The following ATP8A1 variants were observed in gnomAD, a reference collection of about 807,000 sequenced individuals.
ATP8A1 encodes the protein ATPase phospholipid transporting 8A1.
ATP8A1 carries 90 observed loss-of-function variants against 177.7 expected under a neutral mutation model. The ratio of observed to expected loss-of-function variants is 0.51; its 90% CI spans 0.43 to 0.60. The LOEUF (loss-of-function observed/expected upper bound fraction) is 0.60, where lower values mean the gene tolerates loss of function less well. Ranked by LOEUF, ATP8A1 falls within the 20% of genes least tolerant of loss-of-function variation. The pLI is 0.00. For missense variants in ATP8A1, 1,072 were observed against 1,392.8 expected, an observed-to-expected ratio of 0.77 and a Z score of 3.67; for synonymous variants, 493 against 485.9, an observed-to-expected ratio of 1.01 and a Z score of -0.19.
chr4:42,438,044 C>A (rs1445877512), intron 33 of ATP8A1, among the ~76,000 whole-genome samples: 7 of 142,144 alleles, frequency 4.9e-5, no homozygotes, highest in Non-Finnish European at 1.1e-4. Flanking sequence ...CGATGGGTGG[C>A]ACTGATGCTA....
At chr4:42,513,328 C>A (rs1464702274) in intron 22 of ATP8A1, among the ~76,000 whole-genome samples, 2 of 152,120 alleles carry the variant, frequency 1.3e-5, no homozygotes, top group African/African-American at 2.4e-5. Context: ...ATATGTTATA[C>A]CCTATCTTAA....
chr4:42,464,649 G>T, intron 27 of ATP8A1, 41 bp downstream of exon 27: 2 of 1,160,890 alleles, frequency 1.7e-6, no homozygotes, highest in Non-Finnish European at 2.5e-6. Context: ...CTTTAAATAT[G>T]TATGCAAATG....
At chr4:42,626,376 A>G (rs1163441312) in intron 2 of ATP8A1, 4 of 152,308 alleles carry the variant, frequency 2.6e-5, no homozygotes, top group South Asian at 2.1e-4. Context: ...GAAATTGTAC[A>G]TATTAAGTGG....
chr4:42,442,451 C>T (rs770300789), intron 33 of ATP8A1, among the ~76,000 whole-genome samples: 15 of 152,274 alleles, frequency 9.9e-5, no homozygotes, highest in East Asian at 5.8e-4. Context: ...GACCCACTCA[C>T]GGCATTCTCC....
At chr4:42,544,036 T>C (rs1449479667) in intron 19 of ATP8A1, 50 bp from the exon 20 acceptor site, 2 of 1,403,626 alleles carry the variant, frequency 1.4e-6, no homozygotes, top group Non-Finnish European at 1.0e-6. Context: ...AGGATATGCA[T>C]GTATGTGTTT....
chr4:42,481,603 A>G (rs755372127), intron 25 of ATP8A1, among the ~76,000 whole-genome samples: 5 of 152,180 alleles, frequency 3.3e-5, no homozygotes, highest in East Asian at 1.9e-4. Context: ...AGAATTACTT[A>G]TTTAGTACAG....
In ATP8A1 at chr4:42,600,470, G is replaced by T; in HGVS notation, c.450+8C>A. 3 of 1,609,094 alleles carry T rather than the reference G, an allele frequency of 1.9e-6. No individual in the cohort carries two copies. In the South Asian group the frequency reaches 3.3e-5, roughly 18 times the overall value. The stretch of plus-strand genomic sequence containing the variant: ...TTCTCCTGGAACAAAATAAAAATCA[G>T]TGCATACCTTTTCCCAGTGGACAAT... On this transcript the variant is annotated splice_region_variant and intron_variant, in intron 6 of 36. Transcript: ENST00000381668.
In ATP8A1 at chr4:42,586,352, T is replaced by A. The variant is rs766022679; in HGVS notation, c.719A>T (p.His240Leu). ...TATAAAGACGGATTTTACATACCCA[T>A]GTCCATCAAGCCTTATGTTTCCAAC... Reference protein sequence around the residue: ...DFVGNIRLDGHGTVPLGADQI... With the variant: ...DFVGNIRLDGLGTVPLGADQI... The change falls in exon 9 of 37, where the codon CAT becomes CTT. Residue 240 changes from histidine (H) to leucine (L), a missense_variant. Transcript: ENST00000381668. The A allele has an allele frequency of 6.2e-7, 1 of 1,613,898 alleles. No homozygotes were observed. The highest frequency in any genetic ancestry group is 1.1e-5 in the South Asian group (1 of 91,000).
At chr4:42,637,436 T>C (rs1262738574) in intron 1 of ATP8A1, among the ~76,000 whole-genome samples, 1 of 152,208 alleles carries the variant, frequency 6.6e-6, no homozygotes, top group Non-Finnish European at 1.5e-5. Flanking sequence ...GCTAGCTCAT[T>C]ACCTCCAAGT....
intron 1 of ATP8A1, among the ~76,000 whole-genome samples, chr4:42,646,343 C>T (rs1346071325): frequency 6.6e-6 from 1 of 152,164 alleles, no homozygotes; most frequent in Non-Finnish European, 1.5e-5. Context: ...GTGTGCATGC[C>T]TCATCTTTAG....
At chr4:42,466,788 T>G (rs1322131887) in intron 25 of ATP8A1, among the ~76,000 whole-genome samples, 1 of 152,252 alleles carries the variant, frequency 6.6e-6, no homozygotes, top group African/African-American at 2.4e-5. Context: ...CATTTCATTT[T>G]CACATTTTAT....
At chr4:42,416,125 C>T (rs1713213905) in intron 35 of ATP8A1, among the ~76,000 whole-genome samples, 1 of 152,192 alleles carries the variant, frequency 6.6e-6, no homozygotes, top group Non-Finnish European at 1.5e-5. Flanking sequence ...TACAGAGTTG[C>T]TTTCTTACTC....
At chr4:42,514,660 A>T (rs1266697587) in intron 22 of ATP8A1, among the ~76,000 whole-genome samples, 2 of 152,192 alleles carry the variant, frequency 1.3e-5, no homozygotes, top group Non-Finnish European at 2.9e-5. Context: ...CAAGTCTCCA[A>T]TATTTTATAC....
intron 25 of ATP8A1, among the ~76,000 whole-genome samples, chr4:42,479,867 G>C (rs7696785): frequency 0.72 from 109,092 of 152,010 alleles, 39,381 homozygotes; most frequent in Middle Eastern, 0.76. Context: ...TTGGGGGCTG[G>C]TCCTGCTTGG....
intron 16 of ATP8A1, among the ~76,000 whole-genome samples, chr4:42,553,440 C>T (rs1409516052): frequency 1.3e-5 from 2 of 152,150 alleles, no homozygotes; most frequent in African/African-American, 4.8e-5. Context: ...ATGAACAACT[C>T]CTATGTCCAG....
intron 4 of ATP8A1, among the ~76,000 whole-genome samples, chr4:42,616,791 G>A (rs1736963103): frequency 1.3e-5 from 2 of 152,200 alleles, no homozygotes; most frequent in African/African-American, 4.8e-5. Flanking sequence ...ATAAGCCAAG[G>A]TTTTATAGCA....
intron 1 of ATP8A1, among the ~76,000 whole-genome samples, chr4:42,636,697 C>T (rs183174861): frequency 6.6e-6 from 1 of 152,238 alleles, no homozygotes; most frequent in African/African-American, 2.4e-5. Flanking sequence ...CTGCTCTTTC[C>T]AGCTCGGCAT....
At position 42,485,668 on chromosome 4, in the gene ATP8A1, C is replaced by T. The variant is rs762246314; in HGVS notation, c.2152G>A (p.Gly718Arg). 9 of 1,607,074 alleles carry T rather than the reference C, an allele frequency of 5.6e-6. No individual in the cohort carries two copies. The highest frequency in any genetic ancestry group is 7.6e-6 in the Non-Finnish European group (9 of 1,177,048). ...TGACGACTGAGAGTTTCCCTTGTTCCCTGGAATATTAAACAAGCAAAAATG... is the reference window on the plus strand; with the variant it reads ...TGACGACTGAGAGTTTCCCTTGTTCTCTGGAATATTAAACAAGCAAAAATG... ...MIVINEGSLDGTRETLSRHCT... is the reference protein window; with the variant it reads ...MIVINEGSLDRTRETLSRHCT... Residue 718 changes from glycine (G) to arginine (R), a missense_variant and splice_region_variant, in exon 25 of 37, where the codon GGA (glycine) becomes AGA (arginine). Transcript: ENST00000381668.
chr4:42,448,138 G>A (rs1264649370), intron 30 of ATP8A1, among the ~76,000 whole-genome samples: 1 of 152,058 alleles, frequency 6.6e-6, no homozygotes, highest in Non-Finnish European at 1.5e-5. Context: ...CAGGTTTTCT[G>A]AAAAGTATTT....
Sources: allele counts gnomAD v4.1 joint callset (sites outside exome capture counted in the v4.1 genomes callset), GRCh38; gene constraint gnomAD v4.1.1; transcripts MANE v1.5; gene names NCBI Gene and HGNC (gene_info 2026-07-23, HGNC 2026-07-21).